KAZN: variants seen among roughly 807,000 people sequenced by gnomAD.
KAZN encodes kazrin, periplakin interacting protein, also known as kazrin.
Under a neutral mutation model 87.4 loss-of-function variants are expected in KAZN, and 40 were observed. The ratio of observed to expected loss-of-function variants is 0.46; its 90% CI spans 0.36 to 0.60. The LOEUF (loss-of-function observed/expected upper bound fraction) is 0.60, where lower values mean the gene tolerates loss of function less well. Among genes scored for constraint, KAZN ranks in the 20% least tolerant of loss-of-function variants. The pLI is 0.00. For synonymous variants in KAZN, 466 were observed against 458.3 expected, an observed-to-expected ratio of 1.02 and a Z score of -0.22; for missense variants, 898 against 1,073.9, an observed-to-expected ratio of 0.84 and a Z score of 2.29.
chr1:14,603,715 A>C (rs903571409), intron 1 of KAZN, among the ~76,000 whole-genome samples: 1 of 152,176 alleles, frequency 6.6e-6, no homozygotes, highest in Admixed American at 6.5e-5. Context: ...GTAAGGCATG[A>C]TAGGCCCTCT....
intron 1 of KAZN, among the ~76,000 whole-genome samples, chr1:13,970,067 G>A (rs941912022): frequency 2.0e-5 from 3 of 152,178 alleles, no homozygotes; most frequent in Admixed American, 1.3e-4. Flanking sequence ...TCTACTAAAT[G>A]CACTAACATT....
chr1:14,673,558 C>T (rs369816019), intron 1 of KAZN, among the ~76,000 whole-genome samples: 1 of 152,158 alleles, frequency 6.6e-6, no homozygotes, highest in African/African-American at 2.4e-5. Context: ...CAGGGCCAGC[C>T]CCTGCATTTC....
intron 1 of KAZN, among the ~76,000 whole-genome samples, chr1:14,667,542 C>G (rs1258021533): frequency 1.3e-5 from 2 of 152,192 alleles, no homozygotes; most frequent in Non-Finnish European, 2.9e-5. Flanking sequence ...CACAGGAACA[C>G]TGAATAAGTT....
chr1:14,474,364 T>C (rs1232100613), intron 2 of KAZN, among the ~76,000 whole-genome samples: 1 of 152,214 alleles, frequency 6.6e-6, no homozygotes, highest in Non-Finnish European at 1.5e-5. Context: ...TCTACTTTCG[T>C]TGAAGTTATT....
chr1:14,549,607 C>A (rs1478338305), intron 2 of KAZN, among the ~76,000 whole-genome samples: 1 of 139,456 alleles, frequency 7.2e-6, no homozygotes. Flanking sequence ...GTTCTCCAGG[C>A]AACCCCTTTT....
At chr1:14,195,511 TCACACA>T (rs55792359) in intron 2 of KAZN, among the ~76,000 whole-genome samples, 37 of 146,188 alleles carry the variant, frequency 2.5e-4, no homozygotes, top group Middle Eastern at 3.4e-3. Flanking sequence ...CAAAAACGGC[TCACACA>T]CACACACACA....
intron 1 of KAZN, among the ~76,000 whole-genome samples, chr1:14,757,349 C>A (rs1644598999): frequency 6.6e-6 from 1 of 152,220 alleles, no homozygotes; most frequent in Non-Finnish European, 1.5e-5. Context: ...AGAAAGGCAG[C>A]TGGCTACTGA....
intron 2 of KAZN, among the ~76,000 whole-genome samples, chr1:14,313,116 A>G (rs1327700121): frequency 6.6e-6 from 1 of 152,168 alleles, no homozygotes; most frequent in Non-Finnish European, 1.5e-5. Flanking sequence ...ATTTTCACTA[A>G]TCAAGCACAC....
chr1:15,104,193 A>G lies in KAZN; in HGVS notation c.2048+4A>G. The G allele has an allele frequency of 1.3e-6, 2 of 1,570,382 alleles. No individual in the cohort carries two copies. Among genetic ancestry groups the G allele is most frequent in the Non-Finnish European group, 1.7e-6 (2 of 1,158,118 alleles). On this transcript the variant is annotated splice_donor_region_variant and intron_variant, in intron 13 of 14. Coordinates refer to ENST00000376030, the MANE Select transcript of KAZN (RefSeq NM_201628.3). The stretch of plus-strand genomic sequence containing the variant: ...GCGCCGTCTTCCACCCAGCCAAGTG[A>G]GCACGGGCTGGGATCCAGTCATGTG...
chr1:14,959,351 T>C (rs1180689824), intron 1 of KAZN, among the ~76,000 whole-genome samples: 1 of 152,180 alleles, frequency 6.6e-6, no homozygotes, highest in Admixed American at 6.5e-5. Context: ...TGGAGGGCAC[T>C]GCAGAGACAA....
At chr1:14,802,462 C>T (rs1557505479) in intron 1 of KAZN, among the ~76,000 whole-genome samples, 1 of 151,114 alleles carries the variant, frequency 6.6e-6, no homozygotes, top group Non-Finnish European at 1.5e-5. Flanking sequence ...CTGGGCAATA[C>T]CTGGAGATGT....
intron 1 of KAZN, among the ~76,000 whole-genome samples, chr1:14,867,326 TGA>T (rs1235321183): frequency 6.6e-6 from 1 of 152,120 alleles, no homozygotes; most frequent in Non-Finnish European, 1.5e-5. Context: ...GTGAGTGGGC[TGA>T]GAGAGAAGCA....
intron 1 of KAZN, among the ~76,000 whole-genome samples, chr1:14,827,004 A>G (rs1418683659): frequency 6.6e-6 from 1 of 152,056 alleles, no homozygotes; most frequent in Non-Finnish European, 1.5e-5. Context: ...ATCCCCACCT[A>G]TTGGAGCTGC....
At chr1:14,478,079 G>A (rs775121441) in intron 2 of KAZN, among the ~76,000 whole-genome samples, 1 of 152,132 alleles carries the variant, frequency 6.6e-6, no homozygotes, top group Non-Finnish European at 1.5e-5. Context: ...TCACTGCCTT[G>A]AGCTCACACT....
At chr1:14,853,998 G>A (rs1162921322) in intron 1 of KAZN, among the ~76,000 whole-genome samples, 3 of 152,222 alleles carry the variant, frequency 2.0e-5, no homozygotes, top group African/African-American at 7.2e-5. Context: ...AAGCTGCAGA[G>A]TCTCAGGCAG....
At chr1:14,415,238 TTTAA>T (rs1206238458) in intron 2 of KAZN, among the ~76,000 whole-genome samples, 2 of 152,196 alleles carry the variant, frequency 1.3e-5, no homozygotes, top group Non-Finnish European at 2.9e-5. Context: ...AAAATATTTT[TTTAA>T]TTAGTAAAAG....
intron 1 of KAZN, among the ~76,000 whole-genome samples, chr1:14,132,500 G>A (rs574027284): frequency 3.3e-5 from 5 of 152,236 alleles, no homozygotes; most frequent in African/African-American, 9.6e-5. Flanking sequence ...CCTCCATCAC[G>A]GGCTACTTTC....
rs146370417 is a variant in KAZN at position 14,008,774 on chromosome 1, C to A, written c.91+115018C>A. Among the ~76,000 whole-genome samples the A allele has an allele frequency of 6.9e-3, 1,044 of 152,258 alleles. 12 individuals are homozygous for A. The highest frequency in any genetic ancestry group is 0.024 in the African/African-American group (995 of 41,554). ...CACATATATTCACTCATTTAATTTT[C>A]TCTTTTCCCAGTTTTTAAATTGTGT... is the stretch of plus-strand genomic sequence containing the variant. On this transcript the variant is annotated intron_variant, in intron 1 of 16. Coordinates refer to the KAZN transcript ENST00000636203.
At chr1:14,824,113 CAAAAAA>C (rs56851270) in intron 1 of KAZN, among the ~76,000 whole-genome samples, 1 of 125,258 alleles carries the variant, frequency 8.0e-6, no homozygotes, top group Non-Finnish European at 1.7e-5. Flanking sequence ...GACTCCATCT[CAAAAAA>C]AAAAAAAAAA....
Sources: gnomAD v4.1 joint callset for allele counts (sites outside exome capture counted in the v4.1 genomes callset) on GRCh38, gnomAD v4.1.1 for gene constraint, MANE v1.5 for transcripts, NCBI Gene and HGNC (gene_info 2026-07-23, HGNC 2026-07-21) for gene names.